The following COL22A1 variants were observed in gnomAD, a reference collection of about 807,000 sequenced individuals.
COL22A1 encodes the protein collagen alpha-1(XXII) chain.
COL22A1 carries 221 observed loss-of-function variants against 248.9 expected under a neutral mutation model. The ratio of observed to expected loss-of-function variants is 0.89; its 90% CI spans 0.80 to 0.99. The LOEUF (loss-of-function observed/expected upper bound fraction) is 0.99. Among genes scored for constraint, COL22A1 ranks in the 50% least tolerant of loss-of-function variants. COL22A1 has a pLI of 0.00. For synonymous variants in COL22A1, 891 were observed against 793.4 expected (o/e 1.12, Z -2.07); for missense variants, 2,240 against 2,179.0 (o/e 1.03, Z -0.56).
chr8:138,877,841 G>A lies in COL22A1; in HGVS notation c.567C>T (p.Ala189=), dbSNP rs113032917. 6.3e-5 allele frequency: 102 copies of A among 1,613,358 alleles called. No individual in the cohort carries two copies. Among genetic ancestry groups the A allele is most frequent in the Admixed American group, 3.7e-4 (22 of 59,994 alleles). ...EALKEELEEI[A]SEPKSAHVFH... ...AGACGTGGGCGGACTTGGGCTCTGA[G>A]GCGATCTCCTCCAGCTCCTCCTTGA... is the stretch of plus-strand genomic sequence containing the variant. The change falls in exon 3 of 65, where the codon GCC becomes GCT. Residue 189 remains alanine, a synonymous_variant. Transcript: ENST00000303045.
chr8:138,806,315 GGTGTGT>G (rs958274692), intron 10 of COL22A1, among the ~76,000 whole-genome samples: 2 of 147,694 alleles, frequency 1.4e-5, no homozygotes, highest in African/African-American at 5.0e-5. Flanking sequence ...TGTATTATGG[GGTGTGT>G]GTGTGTGTGT....
chr8:138,863,878 C>T (rs1422055356), intron 3 of COL22A1, among the ~76,000 whole-genome samples: 1 of 152,144 alleles, frequency 6.6e-6, no homozygotes, highest in South Asian at 2.1e-4. Flanking sequence ...CAGATTTCTG[C>T]CCGAATCCAC....
rs202044980 is a variant in COL22A1, at chr8:138,693,630, G to A, written c.2754+16C>T. The A allele has an allele frequency of 2.0e-3, 3,216 of 1,574,798 alleles. 9 individuals are homozygous for A. The highest frequency in any genetic ancestry group is 2.6e-3 in the South Asian group (226 of 85,624). Reference sequence around the variant, plus strand: ...CCGGGGCTCCCCCACGAGGCAGGCCGATCATAGGGACTCACGGGGTTTCCA... The same window carrying A: ...CCGGGGCTCCCCCACGAGGCAGGCCAATCATAGGGACTCACGGGGTTTCCA... On this transcript the variant is annotated intron_variant, in intron 35 of 64. Coordinates refer to ENST00000303045, the MANE Select transcript of COL22A1 (RefSeq NM_152888.3).
rs112320992 is a variant in COL22A1 at position 138,752,136 on chromosome 8, C to T, written c.2032-625G>A. ...ATCTCTGAAGTGGGGATGATACAAC[C>T]ACCTACTGAGCAGTTATGAATGGGT... On this transcript the variant is annotated intron_variant, in intron 21 of 64. Coordinates refer to ENST00000303045, the MANE Select transcript of COL22A1 (RefSeq NM_152888.3). Among the ~76,000 whole-genome samples, 395 of 152,264 alleles carry T rather than the reference C, an allele frequency of 2.6e-3. 1 individual carries two copies. The highest frequency in any genetic ancestry group is 9.0e-3 in the African/African-American group (375 of 41,558).
chr8:138,696,157 C>T (rs969808791), intron 32 of COL22A1, among the ~76,000 whole-genome samples: 2 of 152,266 alleles, frequency 1.3e-5, no homozygotes, highest in Admixed American at 6.5e-5. Context: ...TTGCAGAGTT[C>T]TCCAGGACGG....
At chr8:138,661,938 A>G (rs1182676924) in intron 43 of COL22A1, 92 bp downstream of exon 43, 6 of 924,436 alleles carry the variant, frequency 6.5e-6, no homozygotes, top group Non-Finnish European at 8.1e-6. Context: ...AGTTGGCCAC[A>G]TGGTCAAAGG....
intron 26 of COL22A1, among the ~76,000 whole-genome samples, chr8:138,721,615 G>A (rs922363043): frequency 6.6e-6 from 1 of 151,324 alleles, no homozygotes; most frequent in Non-Finnish European, 1.5e-5. Context: ...TTTTTTTTGA[G>A]ACAGGTCTCT....
intron 2 of COL22A1, among the ~76,000 whole-genome samples, chr8:138,881,018 G>A (rs776489274): frequency 1.2e-4 from 18 of 152,196 alleles, no homozygotes; most frequent in Non-Finnish European, 2.2e-4. Flanking sequence ...ATCTGAACCC[G>A]GGCAGGTGCC....
At chr8:138,611,459 G>A (rs902456259) in intron 56 of COL22A1, among the ~76,000 whole-genome samples, 3 of 152,182 alleles carry the variant, frequency 2.0e-5, no homozygotes, top group African/African-American at 4.8e-5. Context: ...GGGGGACCCA[G>A]TCAGAACCAC....
intron 48 of COL22A1, among the ~76,000 whole-genome samples, chr8:138,636,532 A>AAAGGAAAGGAAAGGAAAGGAAAGGC (rs59983327): frequency 0.023 from 1,866 of 81,960 alleles, 160 homozygotes; most frequent in African/African-American, 0.056. Context: ...AAAGGAAAGG[A>AAAGGAAAGGAAAGGAAAGGAAAGGC]AAGGCAGGGA....
chr8:138,618,583 G>C (rs1819516012), intron 53 of COL22A1, among the ~76,000 whole-genome samples: 1 of 151,998 alleles, frequency 6.6e-6, no homozygotes, highest in Non-Finnish European at 1.5e-5. Context: ...AAAAACAAGG[G>C]GATTTAAGAG....
At chr8:138,614,394 G>C (rs1231947903) in intron 55 of COL22A1, among the ~76,000 whole-genome samples, 1 of 152,212 alleles carries the variant, frequency 6.6e-6, no homozygotes, top group Non-Finnish European at 1.5e-5. Context: ...GCGGCCCTGT[G>C]ACGGGGCATA....
chr8:138,796,973 C>A, intron 11 of COL22A1, 116 bp from the exon 12 acceptor site: 1 of 754,232 alleles, frequency 1.3e-6, no homozygotes, highest in Non-Finnish European at 2.4e-6. Flanking sequence ...ATCAGCTCTG[C>A]CCAGTAGCCA....
intron 47 of COL22A1, among the ~76,000 whole-genome samples, chr8:138,643,960 T>G (rs1472516039): frequency 1.3e-5 from 2 of 152,172 alleles, no homozygotes; most frequent in Admixed American, 1.3e-4. Flanking sequence ...TTTTGTATTT[T>G]TAGTAGAGAT....
intron 3 of COL22A1, among the ~76,000 whole-genome samples, chr8:138,869,240 G>A (rs1823132726): frequency 6.6e-6 from 1 of 152,188 alleles, no homozygotes. Context: ...TAATCCACAG[G>A]TGCATATGGA....
intron 30 of COL22A1, among the ~76,000 whole-genome samples, chr8:138,710,749 G>A: frequency 6.6e-6 from 1 of 152,076 alleles, no homozygotes; most frequent in East Asian, 1.9e-4. Flanking sequence ...GTGTGGCATT[G>A]CTCTGACTAA....
intron 6 of COL22A1, among the ~76,000 whole-genome samples, chr8:138,822,900 G>A (rs999444082): frequency 1.3e-5 from 2 of 152,180 alleles, no homozygotes; most frequent in East Asian, 1.9e-4. Flanking sequence ...CCAGGCCCAG[G>A]TGGTAGCTTC....
At chr8:138,698,754 T>G (rs574811535) in intron 32 of COL22A1, among the ~76,000 whole-genome samples, 1 of 147,868 alleles carries the variant, frequency 6.8e-6, no homozygotes, top group Non-Finnish European at 1.5e-5. Flanking sequence ...GGTGCGGTGT[T>G]CCTCATGCAG....
At chr8:138,626,287 C>T in intron 50 of COL22A1, 44 bp from the exon 51 acceptor site, 1 of 1,506,410 alleles carries the variant, frequency 6.6e-7, no homozygotes, top group Non-Finnish European at 9.2e-7. Flanking sequence ...CCTCTGCTGG[C>T]TTTTCTGGAA....
Sources: allele counts gnomAD v4.1 joint callset (sites outside exome capture counted in the v4.1 genomes callset), GRCh38; gene constraint gnomAD v4.1.1; transcripts MANE v1.5; gene names NCBI Gene and HGNC (gene_info 2026-07-23, HGNC 2026-07-21).